The following ATP8A2 variants were observed in gnomAD, a reference collection of about 807,000 sequenced individuals.
The protein encoded by ATP8A2 is ATPase phospholipid transporting 8A2.
A neutral mutation model predicts 165.6 loss-of-function variants in ATP8A2; 100 were observed. The ratio of observed to expected loss-of-function variants is 0.60; its 90% CI spans 0.51 to 0.71. ATP8A2 has a LOEUF of 0.71. Among genes scored for constraint, ATP8A2 ranks in the 30% least tolerant of loss-of-function variants. ATP8A2 has a pLI of 0.00. For missense variants in ATP8A2, 1,227 were observed against 1,479.5 expected (o/e 0.83, Z 2.80); for synonymous variants, 543 against 548.8 (o/e 0.99, Z 0.15).
At chr13:25,395,490 G>T (rs1042888858) in intron 1 of ATP8A2, among the ~76,000 whole-genome samples, 1 of 152,106 alleles carries the variant, frequency 6.6e-6, no homozygotes, top group African/African-American at 2.4e-5. Flanking sequence ...GTATACATGG[G>T]AGCCTTCAGA....
chr13:25,407,850 G>T (rs2033850009), intron 1 of ATP8A2, among the ~76,000 whole-genome samples: 1 of 152,134 alleles, frequency 6.6e-6, no homozygotes, highest in Non-Finnish European at 1.5e-5. Context: ...CAGCAAACAT[G>T]CCTTGGATGG....
At chr13:25,426,624 T>C (rs1456104058) in intron 1 of ATP8A2, among the ~76,000 whole-genome samples, 1 of 152,080 alleles carries the variant, frequency 6.6e-6, no homozygotes, top group African/African-American at 2.4e-5. Flanking sequence ...GAGTGAACCC[T>C]AATGCCAACT....
intron 33 of ATP8A2, among the ~76,000 whole-genome samples, chr13:25,931,917 G>A (rs1468823829): frequency 2.0e-5 from 3 of 151,720 alleles, no homozygotes; most frequent in South Asian, 2.1e-4. Context: ...GTGTGGTGGC[G>A]GGTGCCTGTA....
intron 24 of ATP8A2, among the ~76,000 whole-genome samples, chr13:25,614,034 T>C (rs1206506968): frequency 2.0e-5 from 3 of 152,200 alleles, no homozygotes; most frequent in African/African-American, 7.2e-5. Flanking sequence ...CTTTTTGCAG[T>C]GAATTTCCCA....
chr13:25,837,379 G>A (rs1366552554), intron 29 of ATP8A2, 94 bp downstream of exon 29: 1 of 1,411,960 alleles, frequency 7.1e-7, no homozygotes, highest in Non-Finnish European at 9.7e-7. Flanking sequence ...GCTTGAGAAA[G>A]AACATTTGAG....
intron 1 of ATP8A2, among the ~76,000 whole-genome samples, chr13:25,432,617 T>G (rs917777322): frequency 1.3e-5 from 2 of 152,094 alleles, no homozygotes; most frequent in East Asian, 3.9e-4. Context: ...TTTTATGATG[T>G]TCCATGAATT....
intron 25 of ATP8A2, among the ~76,000 whole-genome samples, chr13:25,749,858 T>A (rs965166928): frequency 6.6e-6 from 1 of 152,140 alleles, no homozygotes; most frequent in African/African-American, 2.4e-5. Context: ...GACATCTAAG[T>A]TTGTTTTTAA....
At chr13:25,600,623 G>T (rs1171362916) in intron 24 of ATP8A2, among the ~76,000 whole-genome samples, 1 of 152,126 alleles carries the variant, frequency 6.6e-6, no homozygotes, top group East Asian at 1.9e-4. Flanking sequence ...AGACCTCAGG[G>T]AGCCACTGCC....
At chr13:26,010,038 C>G (rs894601452) in intron 35 of ATP8A2, among the ~76,000 whole-genome samples, 1 of 152,166 alleles carries the variant, frequency 6.6e-6, no homozygotes, top group Admixed American at 6.5e-5. Context: ...TGCACTCCAG[C>G]CTGGGCAACA....
intron 33 of ATP8A2, among the ~76,000 whole-genome samples, chr13:25,928,555 A>C (rs1246358359): frequency 6.6e-6 from 1 of 152,226 alleles, no homozygotes; most frequent in Non-Finnish European, 1.5e-5. Flanking sequence ...AGAGAAAGAA[A>C]ATGATTACTC....
intron 27 of ATP8A2, among the ~76,000 whole-genome samples, chr13:25,795,951 CTT>C (rs368511368): frequency 6.9e-6 from 1 of 144,596 alleles, no homozygotes; most frequent in Non-Finnish European, 1.5e-5. Context: ...ACTAACATAT[CTT>C]TTTTTTTTTT....
chr13:25,964,167 C>A (rs1955724162), intron 34 of ATP8A2, among the ~76,000 whole-genome samples: 1 of 152,166 alleles, frequency 6.6e-6, no homozygotes, highest in South Asian at 2.1e-4. Flanking sequence ...CAGAAAGGCC[C>A]CTGCTGAATT....
intron 24 of ATP8A2, among the ~76,000 whole-genome samples, chr13:25,644,914 C>T (rs895340747): frequency 1.8e-4 from 27 of 152,098 alleles, no homozygotes; most frequent in African/African-American, 6.5e-4. Flanking sequence ...TCTTTCATTG[C>T]TGATTTTATT....
intron 24 of ATP8A2, among the ~76,000 whole-genome samples, chr13:25,663,117 A>G (rs79446460): frequency 0.034 from 5,234 of 152,302 alleles, 155 homozygotes; most frequent in East Asian, 0.13. Context: ...TAAGGCTCAG[A>G]TAAGATAACT....
intron 16 of ATP8A2, 117 bp from the exon 17 acceptor site, chr13:25,570,650 A>AGGATGACTGT: frequency 1.3e-6 from 1 of 794,876 alleles, no homozygotes; most frequent in Non-Finnish European, 2.1e-6. Context: ...AAGGACCTCT[A>AGGATGACTGT]CCCTGTCCTA....
chr13:25,907,091 G>A (rs999684315), intron 33 of ATP8A2, among the ~76,000 whole-genome samples: 2 of 152,168 alleles, frequency 1.3e-5, no homozygotes, highest in Non-Finnish European at 1.5e-5. Flanking sequence ...ACTAGCCGGC[G>A]TGGTAGTGCA....
intron 12 of ATP8A2, among the ~76,000 whole-genome samples, chr13:25,554,644 C>T (rs1285171762): frequency 6.6e-6 from 1 of 151,108 alleles, no homozygotes; most frequent in Non-Finnish European, 1.5e-5. Context: ...CTGCAACTTC[C>T]ATCTCTTGGG....
Position 25,820,141 on chromosome 13 carries a change from G to T in ATP8A2, c.2680-7977G>T, listed in dbSNP as rs114337094. ...CAGGTACAACCCGCCGAGGTTGGAC[G>T]ATGGCAGCGGGACGTCCAGACAGGA... is the stretch of plus-strand genomic sequence containing the variant. On this transcript the variant is annotated intron_variant, in intron 27 of 36. Coordinates refer to ENST00000381655, the MANE Select transcript of ATP8A2 (RefSeq NM_016529.6). 2.7e-4 allele frequency among the ~76,000 whole-genome samples: 41 copies of T among 152,296 alleles called. 1 individual carries two copies. In the South Asian group the frequency reaches 8.3e-3, roughly 31 times the overall value.
At chr13:25,886,867 G>GTAT (rs1953176098) in intron 33 of ATP8A2, among the ~76,000 whole-genome samples, 1 of 152,154 alleles carries the variant, frequency 6.6e-6, no homozygotes, top group African/African-American at 2.4e-5. Context: ...TATTTACATG[G>GTAT]TATTGCTGGT....
Sources: gnomAD v4.1 joint callset for allele counts (sites outside exome capture counted in the v4.1 genomes callset) on GRCh38, gnomAD v4.1.1 for gene constraint, MANE v1.5 for transcripts, NCBI Gene and HGNC (gene_info 2026-07-23, HGNC 2026-07-21) for gene names.